The following HS3ST4 variants were observed in gnomAD, a reference collection of about 807,000 sequenced individuals.
HS3ST4 encodes heparan sulfate glucosamine 3-O-sulfotransferase 4.
A neutral mutation model predicts 29.2 loss-of-function variants in HS3ST4; 17 were observed. The ratio of observed to expected loss-of-function variants is 0.58; its 90% CI spans 0.40 to 0.87. The LOEUF (loss-of-function observed/expected upper bound fraction) is 0.87. HS3ST4 is among the 40% of genes least tolerant of loss of function. The probability of loss-of-function intolerance (pLI) is 0.00; values close to 1 mark genes in which losing one functional copy is unlikely to be tolerated. For synonymous variants in HS3ST4, 314 were observed against 285.7 expected (o/e 1.10, Z -1.00); for missense variants, 627 against 634.5 (o/e 0.99, Z 0.13).
At chr16:25,946,819 T>C (rs1272186605) in intron 1 of HS3ST4, among the ~76,000 whole-genome samples, 1 of 151,208 alleles carries the variant, frequency 6.6e-6, no homozygotes, top group African/African-American at 2.4e-5. Context: ...GGCAAAGAGA[T>C]AGGGAAAAAA....
chr16:26,066,987 A>G lies in HS3ST4; in HGVS notation c.735-68625A>G, dbSNP rs942349448. Among the ~76,000 whole-genome samples the G allele has an allele frequency of 3.3e-5, 5 of 152,106 alleles. No individual in the cohort carries two copies. The South Asian group carries it at 6.2e-4, about 19-fold the overall frequency. On this transcript the variant is annotated intron_variant, in intron 1 of 1. Transcript: ENST00000331351. ...GTGGAACAGGACTGCAGATACAGAT[A>G]AAGTCATATGAGGACTCCCAGGAGC...
At chr16:25,873,504 ATCTATCTATCTATCTATCTG>A (rs1236861246) in intron 1 of HS3ST4, among the ~76,000 whole-genome samples, 24 of 145,188 alleles carry the variant, frequency 1.7e-4, no homozygotes, top group African/African-American at 5.5e-4. Flanking sequence ...CTATCTATCT[ATCTATCTATCTATCTATCTG>A]TCTATCTATC....
intron 1 of HS3ST4, among the ~76,000 whole-genome samples, chr16:26,084,058 T>G (rs1198248503): frequency 6.6e-6 from 1 of 152,176 alleles, no homozygotes; most frequent in Non-Finnish European, 1.5e-5. Flanking sequence ...ATGGAAGATT[T>G]CCTGCAAAGT....
chr16:25,710,381 A>T (rs1966407175), intron 1 of HS3ST4, among the ~76,000 whole-genome samples: 1 of 152,152 alleles, frequency 6.6e-6, no homozygotes, highest in Admixed American at 6.5e-5. Flanking sequence ...GGACTTGTTA[A>T]GCCCCAGGGT....
At chr16:25,921,484 C>T (rs1431030707) in intron 1 of HS3ST4, among the ~76,000 whole-genome samples, 1 of 152,168 alleles carries the variant, frequency 6.6e-6, no homozygotes, top group African/African-American at 2.4e-5. Flanking sequence ...ATTGAGTTGA[C>T]ATGAGGCCTT....
intron 1 of HS3ST4, among the ~76,000 whole-genome samples, chr16:26,066,397 G>C (rs1316697847): frequency 6.6e-6 from 1 of 152,232 alleles, no homozygotes; most frequent in Non-Finnish European, 1.5e-5. Flanking sequence ...ATGTTATTGA[G>C]AGCAAGACTA....
chr16:26,098,104 G>A (rs1898950061), intron 1 of HS3ST4, among the ~76,000 whole-genome samples: 1 of 152,144 alleles, frequency 6.6e-6, no homozygotes, highest in East Asian at 1.9e-4. Flanking sequence ...GAGAGGATGT[G>A]GAGAAATAGG....
chr16:25,724,131 A>C (rs905263259), intron 1 of HS3ST4, among the ~76,000 whole-genome samples: 5 of 151,832 alleles, frequency 3.3e-5, no homozygotes, highest in Non-Finnish European at 5.9e-5. Flanking sequence ...AAAAAAAAAA[A>C]AAAAAATCTA....
rs549085320 is a variant in HS3ST4, at chr16:25,949,291, A to G, written c.735-186321A>G. Among the ~76,000 whole-genome samples the G allele has an allele frequency of 2.0e-5, 3 of 152,142 alleles. No homozygotes were observed. The South Asian group carries it at 6.2e-4, about 32-fold the overall frequency. ...CTATAGTCATCCTATGGTGCTCTCA[A>G]ATACTAGGTCTTATTCATTCTTTCT... On this transcript the variant is annotated intron_variant, in intron 1 of 1. Coordinates refer to ENST00000331351, the MANE Select transcript of HS3ST4 (RefSeq NM_006040.3).
intron 1 of HS3ST4, among the ~76,000 whole-genome samples, chr16:26,036,962 C>G (rs1969588731): frequency 6.6e-6 from 1 of 152,178 alleles, no homozygotes; most frequent in Non-Finnish European, 1.5e-5. Context: ...TCTTTAAGAC[C>G]TGGTGACCAA....
At chr16:25,961,225 A>C (rs1039984667) in intron 1 of HS3ST4, among the ~76,000 whole-genome samples, 1 of 152,198 alleles carries the variant, frequency 6.6e-6, no homozygotes, top group African/African-American at 2.4e-5. Context: ...GGATCTGCTG[A>C]ATGCATACTT....
intron 1 of HS3ST4, among the ~76,000 whole-genome samples, chr16:25,756,788 A>G (rs572397075): frequency 6.6e-6 from 1 of 152,346 alleles, no homozygotes; most frequent in South Asian, 2.1e-4. Context: ...TGTTAAAAAA[A>G]TAAAAGACCT....
At chr16:25,743,517 C>CTA (rs1393307934) in intron 1 of HS3ST4, among the ~76,000 whole-genome samples, 1 of 151,990 alleles carries the variant, frequency 6.6e-6, no homozygotes, top group Non-Finnish European at 1.5e-5. Flanking sequence ...TTATTTTATT[C>CTA]TTTTTTGAGG....
chr16:25,822,574 G>A (rs1012725885), intron 1 of HS3ST4, among the ~76,000 whole-genome samples: 24 of 152,178 alleles, frequency 1.6e-4, no homozygotes, highest in Admixed American at 1.3e-3. Context: ...ATATTGCCAA[G>A]TGTCCCTTTG....
intron 1 of HS3ST4, among the ~76,000 whole-genome samples, chr16:25,697,697 C>G (rs1966307594): frequency 6.6e-6 from 1 of 152,034 alleles, no homozygotes; most frequent in African/African-American, 2.4e-5. Context: ...CACATTTCGT[C>G]TTTCTTTTCT....
intron 1 of HS3ST4, among the ~76,000 whole-genome samples, chr16:25,935,069 C>CTGCT: frequency 6.6e-6 from 1 of 152,256 alleles, no homozygotes; most frequent in Non-Finnish European, 1.5e-5. Context: ...GGCATTTCCC[C>CTGCT]TGCTTGCTTT....
intron 1 of HS3ST4, among the ~76,000 whole-genome samples, chr16:26,077,971 T>G (rs1898682759): frequency 6.6e-6 from 1 of 152,130 alleles, no homozygotes; most frequent in Non-Finnish European, 1.5e-5. Context: ...GCTCCTAATG[T>G]GGGAGGATCA....
At chr16:25,987,179 C>CT (rs397855015) in intron 1 of HS3ST4, among the ~76,000 whole-genome samples, 7 of 152,042 alleles carry the variant, frequency 4.6e-5, no homozygotes, top group African/African-American at 1.7e-4. Context: ...AGAGAAACCC[C>CT]GTCTCTACTA....
Position 26,071,769 on chromosome 16 carries a change from C to T in HS3ST4, c.735-63843C>T, listed in dbSNP as rs191723178. 3.2e-4 allele frequency among the ~76,000 whole-genome samples: 48 copies of T among 152,262 alleles called. No homozygotes were observed. The East Asian group carries it at 9.1e-3, about 29-fold the overall frequency. On this transcript the variant is annotated intron_variant, in intron 1 of 1. Coordinates refer to ENST00000331351, the MANE Select transcript of HS3ST4 (RefSeq NM_006040.3). ...CTAGGGTATAACATTGAAGGGAGCG[C>T]TCACTCTCAGGATCAGACTTGTTTC...
Sources: allele counts gnomAD v4.1 joint callset (sites outside exome capture counted in the v4.1 genomes callset), GRCh38; gene constraint gnomAD v4.1.1; transcripts MANE v1.5; gene names NCBI Gene and HGNC (gene_info 2026-07-23, HGNC 2026-07-21).